ATP2B2: variants seen among roughly 807,000 people sequenced by gnomAD.
ATP2B2 encodes ATPase plasma membrane Ca2+ transporting 2.
Under a neutral mutation model 120.0 loss-of-function variants are expected in ATP2B2, and 15 were observed. The ratio of observed to expected loss-of-function variants is 0.12; its 90% CI spans 0.08 to 0.19. The LOEUF is 0.19. Ranked by LOEUF, ATP2B2 falls within the 10% of genes least tolerant of loss-of-function variation. The probability of loss-of-function intolerance (pLI) is 1.00; values close to 1 mark genes in which losing one functional copy is unlikely to be tolerated. For missense variants in ATP2B2, 1,045 were observed against 1,719.8 expected (o/e 0.61, Z 6.94); for synonymous variants, 694 against 700.3 (o/e 0.99, Z 0.14).
intron 1 of ATP2B2, among the ~76,000 whole-genome samples, chr3:10,686,043 C>CTTTT (rs34073958): frequency 6.8e-3 from 636 of 93,004 alleles, no homozygotes; most frequent in Non-Finnish European, 8.3e-3. Flanking sequence ...TTCCTCCTTT[C>CTTTT]TTTTTTTTTT....
chr3:10,500,365 C>T (rs2066335503), intron 1 of ATP2B2, among the ~76,000 whole-genome samples: 1 of 152,064 alleles, frequency 6.6e-6, no homozygotes, highest in South Asian at 2.1e-4. Context: ...ATCTTAGTGA[C>T]TGCAGTGGGT....
At chr3:10,393,447 A>T (rs940553317) in intron 5 of ATP2B2, among the ~76,000 whole-genome samples, 1 of 152,184 alleles carries the variant, frequency 6.6e-6, no homozygotes. Flanking sequence ...CTCAGCTGTC[A>T]CAGTCTGTGA....
At chr3:10,693,889 G>A (rs1458866317) in intron 1 of ATP2B2, among the ~76,000 whole-genome samples, 1 of 152,214 alleles carries the variant, frequency 6.6e-6, no homozygotes, top group Non-Finnish European at 1.5e-5. Context: ...GATCATCTCT[G>A]CATAAGCCTC....
Position 10,346,049 on chromosome 3 carries a change from G to T in ATP2B2, c.2493C>A (p.Ala831=). Reference sequence around the variant, plus strand: ...TTCCTACCATGGCGAAGCCCACGTCGGCCTTCTTGAGTGCAGGCCCGTCGT... The same window carrying T: ...TTCCTACCATGGCGAAGCCCACGTCTGCCTTCTTGAGTGCAGGCCCGTCGT... ...GTNDGPALKK[A]DVGFAMGIAG... is the part of the protein sequence containing the mutation. The change falls in exon 17 of 23, where the codon GCC becomes GCA. Residue 831 remains alanine, a synonymous_variant. Transcript: ENST00000360273. The surrounding 1 kb of genome is among the most constrained non-coding windows in gnomAD (Gnocchi z 4.1). The T allele has an allele frequency of 6.2e-7, 1 of 1,612,020 alleles. No homozygotes were observed.
chr3:10,632,799 C>G (rs986863356), intron 1 of ATP2B2, among the ~76,000 whole-genome samples: 1 of 152,212 alleles, frequency 6.6e-6, no homozygotes, highest in Non-Finnish European at 1.5e-5. Context: ...GCTGTGTCCC[C>G]GCAATGTTAC....
chr3:10,374,738 C>G (rs969362455), intron 11 of ATP2B2, among the ~76,000 whole-genome samples: 12 of 152,230 alleles, frequency 7.9e-5, no homozygotes, highest in Admixed American at 2.6e-4. Context: ...GGAGGTGCAG[C>G]TCTGCCATCA....
Position 10,622,111 on chromosome 3 carries a change from C to T in ATP2B2, c.-459-2150G>A, listed in dbSNP as rs201247719. Among the ~76,000 whole-genome samples the T allele has an allele frequency of 2.6e-4, 40 of 152,278 alleles. No individual in the cohort carries two copies. The East Asian group carries it at 5.0e-3, about 19-fold the overall frequency. ...CCTGTCACGCCCAGCACCTTCCAGC[C>T]GTGCTCCAGGGGCCCCCCTAGGCTC... On this transcript the variant is annotated intron_variant, in intron 1 of 21. Transcript: ENST00000646379.
chr3:10,407,812 G>A (rs2062468718), intron 3 of ATP2B2, among the ~76,000 whole-genome samples: 1 of 152,196 alleles, frequency 6.6e-6, no homozygotes, highest in Non-Finnish European at 1.5e-5. Context: ...GTTTGCTCAG[G>A]GCTCCATGAT....
chr3:10,462,586 A>C (rs989501646), intron 1 of ATP2B2, among the ~76,000 whole-genome samples: 1 of 152,230 alleles, frequency 6.6e-6, no homozygotes, highest in Admixed American at 6.5e-5. Context: ...GGTAGGTATT[A>C]TTATGCATAT....
intron 12 of ATP2B2, among the ~76,000 whole-genome samples, chr3:10,369,321 G>C (rs951771377): frequency 1.3e-5 from 2 of 152,100 alleles, no homozygotes; most frequent in African/African-American, 2.4e-5. Context: ...GAGGCTTTTT[G>C]CCCCACATGG....
At position 10,706,950 on chromosome 3, in the gene ATP2B2, C is replaced by T. The variant is rs183050517; in HGVS notation, c.-460+965G>A. Reference sequence around the variant, plus strand: ...GCTGTGTGACCTTGAGGCCAACTCACCCTCTCTGGGCCTCATGTCCCTTTC... The same window carrying T: ...GCTGTGTGACCTTGAGGCCAACTCATCCTCTCTGGGCCTCATGTCCCTTTC... On this transcript the variant is annotated intron_variant, in intron 1 of 21. Transcript: ENST00000646379. Among the ~76,000 whole-genome samples the T allele has an allele frequency of 9.5e-4, 145 of 152,344 alleles. 2 individuals carry two copies. Among genetic ancestry groups the T allele is most frequent in the Non-Finnish European group, 1.5e-3 (102 of 68,032 alleles).
In ATP2B2 at chr3:10,358,931, G is replaced by C. The variant is rs944821165; in HGVS notation, c.1902-6C>G. ...CATTGAGGATTTTGCAGCACCTAGG[G>C]GAGGATGGAAGGGAGATGGGGAGCC... On this transcript the variant is annotated splice_polypyrimidine_tract_variant and splice_region_variant and intron_variant, in intron 13 of 22. Transcript: ENST00000360273. 6.2e-7 allele frequency: 1 copy of C among 1,613,118 alleles called. No homozygotes were observed. The highest frequency in any genetic ancestry group is 8.5e-7 in the Non-Finnish European group (1 of 1,179,930).
At chr3:10,475,118 C>T (rs547085970) in intron 1 of ATP2B2, among the ~76,000 whole-genome samples, 22 of 152,320 alleles carry the variant, frequency 1.4e-4, no homozygotes, top group Non-Finnish European at 2.2e-4. Context: ...GGCGTCAGCA[C>T]GAGGGGTGGC....
intron 2 of ATP2B2, among the ~76,000 whole-genome samples, chr3:10,442,625 G>C (rs1169093538): frequency 6.6e-6 from 1 of 152,134 alleles, no homozygotes; most frequent in Non-Finnish European, 1.5e-5. Context: ...GTGGTGATGG[G>C]GGGAGGTGTA....
At chr3:10,632,203 A>G (rs1383586729) in intron 1 of ATP2B2, among the ~76,000 whole-genome samples, 1 of 148,546 alleles carries the variant, frequency 6.7e-6, no homozygotes, top group Non-Finnish European at 1.5e-5. Context: ...AGATTTCTGT[A>G]CTTTCTTAAA....
rs553933600 is a variant in ATP2B2, at chr3:10,396,625, AG to A, written c.781+4327del. On this transcript the variant is annotated intron_variant, in intron 5 of 22. Transcript: ENST00000360273. ...ATGAGCATCCAAATGGCTGTTATGC[AG>A]GGAGTTCAGAACACTGGGGAAGAAA... Among the ~76,000 whole-genome samples, 127 of 152,376 alleles carry A rather than the reference AG, an allele frequency of 8.3e-4. 2 individuals are homozygous for A. Among genetic ancestry groups the A allele is most frequent in the Middle Eastern group, 3.4e-3 (1 of 294 alleles).
At chr3:10,472,725 T>C (rs1327585631) in intron 1 of ATP2B2, among the ~76,000 whole-genome samples, 1 of 152,200 alleles carries the variant, frequency 6.6e-6, no homozygotes, top group Non-Finnish European at 1.5e-5. Flanking sequence ...TACAGACAGG[T>C]AAACATCTCC....
At chr3:10,501,012 G>A (rs923084439) in intron 1 of ATP2B2, among the ~76,000 whole-genome samples, 148 of 152,294 alleles carry the variant, frequency 9.7e-4, no homozygotes, top group African/African-American at 3.3e-3. Flanking sequence ...AAGGTCACTC[G>A]CCAGTGATGA....
chr3:10,610,076 T>TACACACACAC (rs34843797), intron 2 of ATP2B2, among the ~76,000 whole-genome samples: 15 of 146,610 alleles, frequency 1.0e-4, no homozygotes, highest in Non-Finnish European at 1.5e-4. Flanking sequence ...TATACACACA[T>TACACACACAC]ACACACACAC....
Sources: gnomAD v4.1 joint callset for allele counts (sites outside exome capture counted in the v4.1 genomes callset) on GRCh38, gnomAD v4.1.1 for gene constraint, Gnocchi (gnomAD v3.1) non-coding constraint, MANE v1.5 for transcripts, NCBI Gene and HGNC (gene_info 2026-07-23, HGNC 2026-07-21) for gene names.